Variants in OSBPL9 observed in about 807,000 individuals in gnomAD.
OSBPL9 encodes the protein oxysterol binding protein like 9, also known as oxysterol-binding protein-related protein 9.
A neutral mutation model predicts 106.6 loss-of-function variants in OSBPL9; 40 were observed. That is an observed-to-expected ratio of 0.38 (90% CI 0.29 to 0.49). OSBPL9 has a LOEUF of 0.49. Ranked by LOEUF, OSBPL9 falls within the 20% of genes least tolerant of loss-of-function variation. The pLI is 0.97. For missense variants in OSBPL9, 609 were observed against 887.2 expected (o/e 0.69, Z 3.98); for synonymous variants, 269 against 295.4 (o/e 0.91, Z 0.92).
intron 3 of OSBPL9, among the ~76,000 whole-genome samples, chr1:51,677,073 G>T (rs1007665992): frequency 6.6e-6 from 1 of 152,202 alleles, no homozygotes; most frequent in African/African-American, 2.4e-5. Context: ...GCCAAGATTC[G>T]TGCACATGTT....
At chr1:51,545,034 G>T in the OSBPL9 span, among the ~76,000 whole-genome samples, 1 of 151,972 alleles carries the variant, frequency 6.6e-6, no homozygotes, top group Non-Finnish European at 1.5e-5. Context: ...AGTAGAGACA[G>T]GGTTTCACCA....
intron 4 of OSBPL9, among the ~76,000 whole-genome samples, chr1:51,731,024 T>G (rs1022949961): frequency 2.0e-5 from 3 of 152,094 alleles, no homozygotes; most frequent in African/African-American, 7.2e-5. Flanking sequence ...CATTTATTTA[T>G]ACTTTAAATA....
At chr1:51,657,864 G>C (rs1048689856) in intron 2 of OSBPL9, among the ~76,000 whole-genome samples, 7 of 152,116 alleles carry the variant, frequency 4.6e-5, no homozygotes, top group Admixed American at 4.6e-4. Context: ...TTGGGAGGCT[G>C]ATTCAGGAGG....
At chr1:51,677,982 T>C (rs2148790455) in intron 3 of OSBPL9, among the ~76,000 whole-genome samples, 1 of 151,174 alleles carries the variant, frequency 6.6e-6, no homozygotes, top group South Asian at 2.1e-4. Flanking sequence ...GAGACCAGCC[T>C]AGGCAATATA....
At position 51,718,195 on chromosome 1, in the gene OSBPL9, C is replaced by A. The variant is rs181106937; in HGVS notation, c.318+4116C>A. On this transcript the variant is annotated intron_variant, in intron 4 of 23. Transcript: ENST00000428468. The stretch of plus-strand genomic sequence containing the variant: ...GAGCTAGAGAATAGAATTATGGTTA[C>A]CAGAGGCTGGAAGGGTGGTTGGGCG... 1.3e-3 allele frequency among the ~76,000 whole-genome samples: 195 copies of A among 152,086 alleles called. 2 individuals carry two copies. The highest frequency in any genetic ancestry group is 0.012 in the Admixed American group (187 of 15,280).
At chr1:51,730,882 T>G (rs1664218852) in intron 4 of OSBPL9, among the ~76,000 whole-genome samples, 1 of 152,230 alleles carries the variant, frequency 6.6e-6, no homozygotes, top group Non-Finnish European at 1.5e-5. Flanking sequence ...AGTTGTAGTT[T>G]TAAAAGTTTT....
chr1:51,700,522 A>G (rs1178747647), intron 3 of OSBPL9, among the ~76,000 whole-genome samples: 1 of 152,106 alleles, frequency 6.6e-6, no homozygotes, highest in Admixed American at 6.6e-5. Flanking sequence ...AGTATTGGTC[A>G]GTTATTTTGT....
upstream of OSBPL9, among the ~76,000 whole-genome samples, chr1:51,616,209 G>C (rs1038241867): frequency 5.3e-5 from 8 of 151,862 alleles, no homozygotes; most frequent in Non-Finnish European, 7.4e-5. Flanking sequence ...GGTCTCGAAC[G>C]CCTGATCTCA....
chr1:51,749,000 G>A (rs573046293), intron 7 of OSBPL9, among the ~76,000 whole-genome samples: 82 of 152,090 alleles, frequency 5.4e-4, no homozygotes, highest in Middle Eastern at 3.4e-3. Flanking sequence ...CAGGAGAATC[G>A]CTTGAACTGG....
chr1:51,641,934 C>T (rs1211832179), intron 1 of OSBPL9, among the ~76,000 whole-genome samples: 1 of 152,076 alleles, frequency 6.6e-6, no homozygotes, highest in Non-Finnish European at 1.5e-5. Context: ...ATCAGCATTC[C>T]TTAGATGTTT....
At chr1:51,617,331 C>T in intron 1 of OSBPL9, 110 bp downstream of exon 1, 3 of 1,096,598 alleles carry the variant, frequency 2.7e-6, no homozygotes, top group Non-Finnish European at 3.8e-6. Context: ...TCTGGGGGTG[C>T]CGCCGTACGC....
chr1:51,690,836 A>G (rs1431292153), intron 3 of OSBPL9, among the ~76,000 whole-genome samples: 3 of 152,366 alleles, frequency 2.0e-5, no homozygotes, highest in Admixed American at 2.0e-4. Flanking sequence ...GTCATTAGAC[A>G]GTTTCATCAT....
At chr1:51,751,474 A>G (rs2149028471) in intron 8 of OSBPL9, among the ~76,000 whole-genome samples, 1 of 152,150 alleles carries the variant, frequency 6.6e-6, no homozygotes, top group East Asian at 1.9e-4. Flanking sequence ...CCTGTTGTAG[A>G]TCATAGTATA....
chr1:51,784,766 C>T, intron 20 of OSBPL9, 184 bp downstream of exon 20: 2 of 693,530 alleles, frequency 2.9e-6, no homozygotes, highest in Non-Finnish European at 4.7e-6. Flanking sequence ...AACATATATT[C>T]AGAGCAGTCA....
At chr1:51,743,516 A>G (rs1188502036) in intron 4 of OSBPL9, among the ~76,000 whole-genome samples, 3 of 152,202 alleles carry the variant, frequency 2.0e-5, no homozygotes, top group East Asian at 1.9e-4. Context: ...GATTTTTACA[A>G]TGTTAATTCT....
At chr1:51,711,247 C>G (rs535644832) in intron 3 of OSBPL9, among the ~76,000 whole-genome samples, 1 of 151,078 alleles carries the variant, frequency 6.6e-6, no homozygotes, top group Non-Finnish European at 1.5e-5. Flanking sequence ...GGGTGGTGGC[C>G]GGGCAGAGGG....
chr1:51,549,268 T>C, the OSBPL9 span, among the ~76,000 whole-genome samples: 7 of 152,208 alleles, frequency 4.6e-5, no homozygotes, highest in African/African-American at 1.2e-4. Context: ...GTGCATTCTT[T>C]TTTGTTTTTA....
At chr1:51,710,639 G>A (rs1659600828) in intron 3 of OSBPL9, among the ~76,000 whole-genome samples, 2 of 152,192 alleles carry the variant, frequency 1.3e-5, no homozygotes, top group Admixed American at 6.5e-5. Context: ...ATATATTTCA[G>A]TGAATTCTAA....
intron 1 of OSBPL9, among the ~76,000 whole-genome samples, chr1:51,641,699 C>T (rs1645803063): frequency 6.6e-6 from 1 of 152,166 alleles, no homozygotes; most frequent in Non-Finnish European, 1.5e-5. Context: ...CAGGGCCTTA[C>T]AAATGTGTTG....
Sources: gnomAD v4.1 joint callset for allele counts (sites outside exome capture counted in the v4.1 genomes callset) on GRCh38, gnomAD v4.1.1 for gene constraint, MANE v1.5 for transcripts, NCBI Gene and HGNC (gene_info 2026-07-23, HGNC 2026-07-21) for gene names.